DDX60: variants seen among roughly 807,000 people sequenced by gnomAD.
DDX60 encodes probable ATP-dependent RNA helicase DDX60.
A neutral mutation model predicts 212.8 loss-of-function variants in DDX60; 165 were observed. The observed-to-expected ratio is 0.78, with a 90% CI of 0.68 to 0.88. The LOEUF (loss-of-function observed/expected upper bound fraction) is 0.88. Ranked by LOEUF, DDX60 falls within the 40% of genes least tolerant of loss-of-function variation. The probability of loss-of-function intolerance (pLI) is 0.00; values close to 1 mark genes in which losing one functional copy is unlikely to be tolerated. For missense variants in DDX60, 1,905 were observed against 2,003.9 expected (o/e 0.95, Z 0.94); for synonymous variants, 703 against 685.3 (o/e 1.03, Z -0.40).
At chr4:168,292,808 A>G (rs2149536344) in intron 7 of DDX60, among the ~76,000 whole-genome samples, 2 of 152,340 alleles carry the variant, frequency 1.3e-5, no homozygotes, top group East Asian at 3.9e-4. Context: ...AGAAGGCCAA[A>G]TAGAGTCTAA....
chr4:168,298,713 A>T (rs534535338), intron 6 of DDX60, among the ~76,000 whole-genome samples: 1 of 152,312 alleles, frequency 6.6e-6, no homozygotes, highest in South Asian at 2.1e-4. Context: ...ACAAACCACC[A>T]TAATCAACAG....
chr4:168,315,401 T>C (rs762548042), intron 1 of DDX60, among the ~76,000 whole-genome samples: 11 of 152,232 alleles, frequency 7.2e-5, no homozygotes, highest in Non-Finnish European at 1.5e-4. Context: ...AAGTCATAAA[T>C]TTCACCAACC....
intron 30 of DDX60, among the ~76,000 whole-genome samples, chr4:168,244,894 T>C (rs897192556): frequency 1.2e-4 from 18 of 151,820 alleles, no homozygotes; most frequent in African/African-American, 3.9e-4. Flanking sequence ...AAAATAGCAA[T>C]GAAAAACAGA....
chr4:168,290,043 C>T (rs769627776), intron 8 of DDX60, among the ~76,000 whole-genome samples: 7 of 152,174 alleles, frequency 4.6e-5, no homozygotes, highest in Non-Finnish European at 1.0e-4. Flanking sequence ...CCTCATTGGG[C>T]TTCTATCAAG....
intron 6 of DDX60, among the ~76,000 whole-genome samples, chr4:168,296,387 C>G (rs1202022164): frequency 6.6e-6 from 1 of 151,750 alleles, no homozygotes; most frequent in African/African-American, 2.4e-5. Flanking sequence ...GAAAAGGAAG[C>G]TTTAAAAAAG....
rs1005789235 is a variant in DDX60 at position 168,280,596 on chromosome 4, C to A, written c.1723-6G>T. The A allele has an allele frequency of 6.3e-7, 1 of 1,594,902 alleles. No individual in the cohort carries two copies. The highest frequency in any genetic ancestry group is 8.5e-7 in the Non-Finnish European group (1 of 1,173,814). On this transcript the variant is annotated splice_polypyrimidine_tract_variant and splice_region_variant and intron_variant, in intron 13 of 37. Coordinates refer to ENST00000393743, the MANE Select transcript of DDX60 (RefSeq NM_017631.6). ...ATTATTTCAGCCTTGGTCTCCTGCC[C>A]CAAAGGAAAAAACATCTCTTAAGAC... is the stretch of plus-strand genomic sequence containing the variant.
chr4:168,284,823 C>T lies in DDX60; in HGVS notation c.1558G>A (p.Asp520Asn). The T allele has an allele frequency of 1.3e-6, 2 of 1,489,270 alleles. No individual in the cohort carries two copies. The highest frequency in any genetic ancestry group is 1.8e-6 in the Non-Finnish European group (2 of 1,097,906). 92.3% of individuals were successfully genotyped at this position (1,489,270 alleles called of 1,614,324 possible). A position where few individuals can be genotyped will look rare whatever the true frequency, so the allele number is the denominator to read the frequency against. ...TCACTGGAGTCACAGAGCTTACCAT[C>T]AAACTGACACCTGGACCTGTCATAA... ...DDYDRSRCQFDEKSRDPRVLR... is the reference protein window; with the variant it reads ...DDYDRSRCQFNEKSRDPRVLR... Residue 520 changes from aspartate to asparagine, a missense_variant, in exon 12 of 38, where the codon GAT becomes AAT. Coordinates refer to ENST00000393743, the MANE Select transcript of DDX60 (RefSeq NM_017631.6).
At chr4:168,272,262 A>G in intron 18 of DDX60, 124 bp from the exon 19 acceptor site, 1 of 709,514 alleles carries the variant, frequency 1.4e-6, no homozygotes, top group Non-Finnish European at 2.3e-6. Flanking sequence ...GGCATATAAC[A>G]TTGCTTCTGA....
At chr4:168,219,317 C>A (rs72693105) in intron 37 of DDX60, among the ~76,000 whole-genome samples, 5,443 of 151,724 alleles carry the variant, frequency 0.036, 137 homozygotes, top group Non-Finnish European at 0.054. Flanking sequence ...AATTATGAAC[C>A]TTTATAGCTC....
chr4:168,222,643 G>C (rs1472947269), intron 35 of DDX60, among the ~76,000 whole-genome samples: 3 of 152,100 alleles, frequency 2.0e-5, no homozygotes, highest in Non-Finnish European at 4.4e-5. Flanking sequence ...TCGAGTGACA[G>C]ATATCAACTG....
At chr4:168,322,397 T>C (rs925500133), upstream of DDX60, among the ~76,000 whole-genome samples, 37 of 152,270 alleles carry the variant, frequency 2.4e-4, no homozygotes, top group Middle Eastern at 3.4e-3. Context: ...GAATCTTGAG[T>C]CTCTTGACTC....
chr4:168,221,005 AAC>A (rs1367733080), intron 36 of DDX60, among the ~76,000 whole-genome samples: 1 of 152,172 alleles, frequency 6.6e-6, no homozygotes, highest in Non-Finnish European at 1.5e-5. Context: ...GGTAAATTGG[AAC>A]TAGAGACTCA....
chr4:168,294,712 G>A (rs1306860179), intron 6 of DDX60, among the ~76,000 whole-genome samples: 1 of 151,994 alleles, frequency 6.6e-6, no homozygotes, highest in East Asian at 1.9e-4. Flanking sequence ...ATGTTGGCCA[G>A]GCTGGTCTCA....
intron 7 of DDX60, 144 bp from the exon 8 acceptor site, chr4:168,292,050 T>A: frequency 5.8e-5 from 8 of 137,292 alleles, no homozygotes; most frequent in Non-Finnish European, 9.1e-5. Flanking sequence ...TCTTTCTTTC[T>A]TTTTTTTTTT....
In DDX60 at chr4:168,251,020, A is replaced by T. The variant is rs1343793196; in HGVS notation, c.3792T>A (p.His1264Gln). 2 of 1,612,070 alleles carry T rather than the reference A, an allele frequency of 1.2e-6. No individual in the cohort carries two copies. The highest frequency in any genetic ancestry group is 1.1e-5 in the South Asian group (1 of 90,984). Residue 1264 changes from histidine (H) to glutamine (Q), a missense_variant, in exon 28 of 38, where the codon CAT becomes CAA. Physicochemically the swap from His to Gln is conservative, Grantham distance 24. Transcript: ENST00000393743. Reference protein sequence around the residue: ...KALAERGIGYHHSAMSFKEKQ... With the variant: ...KALAERGIGYQHSAMSFKEKQ... ...TTTCTTTGAAACTCATAGCACTGTG[A>T]TGATATCCAATACCCCTTTCTGCCA...
At chr4:168,295,962 T>C (rs1307641339) in intron 6 of DDX60, among the ~76,000 whole-genome samples, 1 of 152,008 alleles carries the variant, frequency 6.6e-6, no homozygotes, top group African/African-American at 2.4e-5. Flanking sequence ...GAAGTTGAAC[T>C]CATAGAAATA....
intron 26 of DDX60, among the ~76,000 whole-genome samples, chr4:168,255,407 G>GT (rs1243363796): frequency 1.3e-5 from 2 of 152,252 alleles, no homozygotes; most frequent in East Asian, 3.9e-4. Context: ...GTTCATATAT[G>GT]TATCAAAGAT....
chr4:168,302,840 A>G (rs1736703806), intron 5 of DDX60, among the ~76,000 whole-genome samples: 1 of 152,202 alleles, frequency 6.6e-6, no homozygotes. Flanking sequence ...GAAAGATAGC[A>G]TAACCCCCCT....
chr4:168,325,102 G>A, the DDX60 span, among the ~76,000 whole-genome samples: 3 of 152,162 alleles, frequency 2.0e-5, no homozygotes, highest in African/African-American at 7.2e-5. Flanking sequence ...TTATGTATGA[G>A]AGCCTTAAAG....
Sources: allele counts gnomAD v4.1 joint callset (sites outside exome capture counted in the v4.1 genomes callset), GRCh38; gene constraint gnomAD v4.1.1; transcripts MANE v1.5; gene names NCBI Gene and HGNC (gene_info 2026-07-23, HGNC 2026-07-21).